Variants in DNAH8 observed in about 807,000 individuals in gnomAD.
The protein encoded by DNAH8 is dynein axonemal heavy chain 8.
In DNAH8, 382 loss-of-function variants were observed where a neutral mutation model predicts 562.1. The observed-to-expected ratio is 0.68, with a 90% CI of 0.63 to 0.74. The LOEUF is 0.74. Ranked by LOEUF, DNAH8 falls within the 30% of genes least tolerant of loss-of-function variation. The pLI is 0.00. For missense variants in DNAH8, 5,203 were observed against 5,620.4 expected (o/e 0.93, Z 2.37); for synonymous variants, 1,881 against 1,919.4 (o/e 0.98, Z 0.52).
At chr6:38,788,155 G>GTTTTTTTT (rs56324450) in intron 18 of DNAH8, among the ~76,000 whole-genome samples, 1 of 147,716 alleles carries the variant, frequency 6.8e-6, no homozygotes, top group Non-Finnish European at 1.5e-5. Flanking sequence ...GACTTTTCCT[G>GTTTTTTTT]TTTTTTTTTT....
intron 41 of DNAH8, among the ~76,000 whole-genome samples, chr6:38,855,849 C>A (rs1776153663): frequency 6.6e-6 from 1 of 152,170 alleles, no homozygotes; most frequent in Non-Finnish European, 1.5e-5. Context: ...GCTCCACCTC[C>A]TGTCAGATCA....
chr6:38,725,304 T>TATAACAATAATAATAATA (rs1763119621), intron 3 of DNAH8, among the ~76,000 whole-genome samples: 1 of 135,386 alleles, frequency 7.4e-6, no homozygotes, highest in Non-Finnish European at 1.6e-5. Flanking sequence ...CTCCAACTCA[T>TATAACAATAATAATAATA]ATAATAATAA....
At chr6:38,938,697 G>C in intron 78 of DNAH8, 101 bp from the exon 79 acceptor site, 2 of 757,072 alleles carry the variant, frequency 2.6e-6, no homozygotes, top group South Asian at 1.8e-5. Context: ...CCATGACATA[G>C]GTTTACCGAC....
Position 38,863,948 on chromosome 6 carries a change from C to T in DNAH8, c.6386C>T (p.Ala2129Val). 6.2e-7 allele frequency: 1 copy of T among 1,612,894 alleles called. No individual in the cohort carries two copies. The highest frequency in any genetic ancestry group is 2.2e-5 in the East Asian group (1 of 44,836). ...GAATTGCCTGTATTATCAGTGGCAG[C>T]ACAACAAATTTATATTGTTTTGACA... ...RIELPVLSVAAQQIYIVLTAR... is the reference protein window; with the variant it reads ...RIELPVLSVAVQQIYIVLTAR... The change falls in exon 45 of 93, where the codon GCA becomes GTA. Residue 2129 changes from alanine (A) to valine (V), a missense_variant. Ala to Val is a moderately conservative substitution (Grantham distance 64). This residue lies in a region of DNAH8 where 2,176 missense variants were observed against 2,365.1 expected (regional missense o/e 0.92). Coordinates refer to ENST00000327475, the MANE Select transcript of DNAH8 (RefSeq NM_001206927.2).
At chr6:38,965,639 A>G (rs1261473821) in intron 82 of DNAH8, among the ~76,000 whole-genome samples, 1 of 152,212 alleles carries the variant, frequency 6.6e-6, no homozygotes, top group Non-Finnish European at 1.5e-5. Flanking sequence ...AACAAAACCT[A>G]AACCACCAAA....
chr6:38,785,644 C>A (rs117738578), intron 17 of DNAH8, among the ~76,000 whole-genome samples: 5 of 152,162 alleles, frequency 3.3e-5, no homozygotes, highest in African/African-American at 9.6e-5. Flanking sequence ...CTCCCCACCC[C>A]CCGACAGGCC....
At chr6:38,930,344 T>G (rs1009319653) in intron 75 of DNAH8, among the ~76,000 whole-genome samples, 9 of 152,154 alleles carry the variant, frequency 5.9e-5, no homozygotes, top group African/African-American at 1.9e-4. Flanking sequence ...CATTTCTGAT[T>G]GGGTGTTTAT....
chr6:38,729,530 A>G (rs900335127), intron 3 of DNAH8, among the ~76,000 whole-genome samples: 1 of 152,204 alleles, frequency 6.6e-6, no homozygotes, highest in African/African-American at 2.4e-5. Flanking sequence ...TTGGTCAACA[A>G]CACAGTTAAT....
Position 38,913,833 on chromosome 6 carries a change from G to A in DNAH8, c.9860-16G>A, listed in dbSNP as rs1331462585. 1.9e-6 allele frequency: 3 copies of A among 1,578,118 alleles called. No homozygotes were observed. The highest frequency in any genetic ancestry group is 2.2e-5 in the South Asian group (2 of 90,156). On this transcript the variant is annotated splice_polypyrimidine_tract_variant and intron_variant, in intron 66 of 92. Coordinates refer to ENST00000327475, the MANE Select transcript of DNAH8 (RefSeq NM_001206927.2). ...ACCTGTACTCAGTAAAGGTATATAT[G>A]TGTGTATTTGTAAAGGTCTTGATAA...
chr6:38,949,254 T>C (rs79364526), intron 80 of DNAH8, among the ~76,000 whole-genome samples, 198 bp from the exon 81 acceptor site: 1,930 of 152,212 alleles, frequency 0.013, 43 homozygotes, highest in African/African-American at 0.044. Context: ...TGTAGAAAAA[T>C]AATGGAAGAA....
intron 77 of DNAH8, among the ~76,000 whole-genome samples, chr6:38,937,189 C>G (rs1425266317): frequency 1.3e-5 from 2 of 148,418 alleles, no homozygotes; most frequent in African/African-American, 4.9e-5. Context: ...GAACATCACA[C>G]ACTGGGGCCT....
At chr6:38,848,316 T>G (rs1775459294) in intron 36 of DNAH8, among the ~76,000 whole-genome samples, 1 of 152,146 alleles carries the variant, frequency 6.6e-6, no homozygotes, top group Non-Finnish European at 1.5e-5. Context: ...TTCACAGACT[T>G]TTTGGAAAAC....
rs143472136 is a variant in DNAH8 at position 38,990,041 on chromosome 6, G to A, written c.13083G>A (p.Pro4361=). ...RVWFSEKMFE[P]SFCFYTGYKI... ...GGTTCAGTGAGAAGATGTTTGAACC[G>A]TCATTCTGCTTTTATACTGGATATA... Residue 4361 remains proline, a synonymous_variant, in exon 88 of 93, where the codon CCG becomes CCA. Transcript: ENST00000327475. 9.2e-5 allele frequency: 147 copies of A among 1,600,836 alleles called. No individual in the cohort carries two copies. The highest frequency in any genetic ancestry group is 6.6e-4 in the Middle Eastern group (4 of 6,062).
chr6:38,874,955 G>A (rs1047436205), intron 52 of DNAH8, among the ~76,000 whole-genome samples: 6 of 152,208 alleles, frequency 3.9e-5, no homozygotes, highest in African/African-American at 1.2e-4. Flanking sequence ...ATGTCCTACT[G>A]TACTTGTCTT....
At chr6:38,949,312 A>G in intron 80 of DNAH8, 140 bp from the exon 81 acceptor site, 2 of 652,304 alleles carry the variant, frequency 3.1e-6, no homozygotes, top group Non-Finnish European at 5.5e-6. Context: ...TTGATCCTGA[A>G]GAAAGGTTTA....
At chr6:38,833,141 C>A (rs1773988310) in intron 31 of DNAH8, among the ~76,000 whole-genome samples, 1 of 152,098 alleles carries the variant, frequency 6.6e-6, no homozygotes, top group Non-Finnish European at 1.5e-5. Context: ...TGAAGTTAAA[C>A]TCAAGACTGA....
chr6:38,832,418 GC>G lies in DNAH8; in HGVS notation c.4286del (p.Ala1429GlufsTer51). Reference protein sequence around the residue: ...EVFREDVINFAEAYELEGPMV... With the variant: ...EVFREDVINFXEAYELEGPMV... Reference sequence around the variant, plus strand: ...TTTTCGTGAGGACGTGATAAACTTTGCAGAAGCATATGAATTGGTAATTTAA... The same window carrying G: ...TTTTCGTGAGGACGTGATAAACTTTGAGAAGCATATGAATTGGTAATTTAA... On this transcript the variant is annotated frameshift_variant, in exon 31 of 93. Transcript: ENST00000327475. LOFTEE classifies it high-confidence loss of function. 6.2e-7 allele frequency: 1 copy of G among 1,603,846 alleles called. No homozygotes were observed. Among genetic ancestry groups the G allele is most frequent in the Admixed American group, 1.7e-5 (1 of 59,952 alleles).
intron 12 of DNAH8, among the ~76,000 whole-genome samples, chr6:38,771,290 C>T (rs1582959337): frequency 1.3e-5 from 2 of 152,186 alleles, no homozygotes; most frequent in East Asian, 3.8e-4. Context: ...CAAGCCAGGA[C>T]AGGAAAGTAT....
At chr6:39,025,907 T>G (rs1048262845) in intron 91 of DNAH8, among the ~76,000 whole-genome samples, 3 of 152,258 alleles carry the variant, frequency 2.0e-5, no homozygotes, top group Non-Finnish European at 2.9e-5. Flanking sequence ...CTTATCTTAT[T>G]GAATTGAATG....
Sources: gnomAD v4.1 joint callset for allele counts (sites outside exome capture counted in the v4.1 genomes callset) on GRCh38, gnomAD v4.1.1 for gene constraint, gnomAD v4.1.1 regional missense constraint, MANE v1.5 for transcripts, NCBI Gene and HGNC (gene_info 2026-07-23, HGNC 2026-07-21) for gene names.